The following SUPT3H variants were observed in gnomAD, a reference collection of about 807,000 sequenced individuals.
SUPT3H encodes the protein transcription initiation protein SPT3 homolog.
A neutral mutation model predicts 44.3 loss-of-function variants in SUPT3H; 44 were observed. The observed-to-expected ratio is 0.99, with a 90% CI of 0.78 to 1.28. The LOEUF (loss-of-function observed/expected upper bound fraction) is 1.28. SUPT3H is among the 50% of genes most tolerant of loss of function. The probability of loss-of-function intolerance (pLI) is 0.00; values close to 1 mark genes in which losing one functional copy is unlikely to be tolerated. For synonymous variants in SUPT3H, 124 were observed against 125.6 expected, an observed-to-expected ratio of 0.99 and a Z score of 0.09; for missense variants, 380 against 387.1, an observed-to-expected ratio of 0.98 and a Z score of 0.15.
intron 10 of SUPT3H, among the ~76,000 whole-genome samples, chr6:44,902,828 G>A (rs764316777): frequency 6.6e-5 from 10 of 152,086 alleles, no homozygotes; most frequent in African/African-American, 9.7e-5. Flanking sequence ...ATAACAAACT[G>A]TCTCTCAGAC....
intron 2 of SUPT3H, among the ~76,000 whole-genome samples, chr6:45,334,247 A>AT (rs1255086558): frequency 6.6e-6 from 1 of 151,198 alleles, no homozygotes; most frequent in East Asian, 1.9e-4. Context: ...AGTTACATCG[A>AT]TTTTTTACAT....
At chr6:45,037,929 T>TA (rs1168686527) in intron 3 of SUPT3H, among the ~76,000 whole-genome samples, 3 of 152,118 alleles carry the variant, frequency 2.0e-5, no homozygotes, top group African/African-American at 4.8e-5. Context: ...TTTACACTAA[T>TA]ACAGTTATAC....
intron 10 of SUPT3H, among the ~76,000 whole-genome samples, chr6:44,885,045 C>G (rs187807845): frequency 6.6e-6 from 1 of 152,128 alleles, no homozygotes; most frequent in East Asian, 1.9e-4. Context: ...AACTGCAAGG[C>G]GGCAGTGAGG....
At chr6:45,002,391 T>C (rs1342395132) in intron 6 of SUPT3H, among the ~76,000 whole-genome samples, 1 of 152,060 alleles carries the variant, frequency 6.6e-6, no homozygotes, top group Non-Finnish European at 1.5e-5. Context: ...AATTGAAAAG[T>C]TACCTGTTCA....
intron 2 of SUPT3H, among the ~76,000 whole-genome samples, chr6:45,175,809 A>T (rs967938023): frequency 1.3e-5 from 2 of 152,224 alleles, no homozygotes; most frequent in Admixed American, 6.5e-5. Context: ...AAATAAGCTT[A>T]TACTGAGAAA....
At chr6:45,318,662 T>C (rs191712737) in intron 2 of SUPT3H, among the ~76,000 whole-genome samples, 351 of 146,484 alleles carry the variant, frequency 2.4e-3, no homozygotes, top group Non-Finnish European at 4.3e-3. Context: ...AATAACTAAA[T>C]AGCAATGCTA....
chr6:45,280,222 C>A (rs971841324), intron 2 of SUPT3H, among the ~76,000 whole-genome samples: 9 of 152,054 alleles, frequency 5.9e-5, no homozygotes, highest in Non-Finnish European at 1.3e-4. Flanking sequence ...TAGGTATAGG[C>A]CAGGTGTCGT....
intron 5 of SUPT3H, among the ~76,000 whole-genome samples, chr6:45,009,660 T>C (rs1783196903): frequency 1.3e-5 from 2 of 152,194 alleles, no homozygotes; most frequent in Non-Finnish European, 2.9e-5. Context: ...TTCCATTTCA[T>C]TGACAAATAT....
At chr6:45,288,610 T>TAC (rs1307999279) in intron 2 of SUPT3H, among the ~76,000 whole-genome samples, 1 of 33,158 alleles carries the variant, frequency 3.0e-5, no homozygotes, top group Non-Finnish European at 7.2e-5. Context: ...TATATATATA[T>TAC]ATGTATATAT....
At chr6:45,287,818 T>C (rs1453747829) in intron 2 of SUPT3H, among the ~76,000 whole-genome samples, 1 of 152,168 alleles carries the variant, frequency 6.6e-6, no homozygotes, top group Non-Finnish European at 1.5e-5. Flanking sequence ...TTCAATAGTT[T>C]CCAAAAATAA....
At chr6:44,938,108 T>TA (rs1404415568) in intron 9 of SUPT3H, among the ~76,000 whole-genome samples, 1 of 151,764 alleles carries the variant, frequency 6.6e-6, no homozygotes, top group Non-Finnish European at 1.5e-5. Flanking sequence ...TTTTTTTTTT[T>TA]ACCTGTGCTT....
chr6:44,932,809 A>G (rs750051334), intron 9 of SUPT3H, 46 bp from the exon 10 acceptor site: 3 of 1,302,704 alleles, frequency 2.3e-6, no homozygotes, highest in Non-Finnish European at 3.2e-6. Context: ...AAAAACACGC[A>G]ACAGAACTAC....
chr6:44,978,222 G>C (rs1778608802), intron 6 of SUPT3H, among the ~76,000 whole-genome samples: 1 of 152,136 alleles, frequency 6.6e-6, no homozygotes, highest in East Asian at 1.9e-4. Context: ...GTCAATGACA[G>C]CTACCATTTC....
intron 2 of SUPT3H, among the ~76,000 whole-genome samples, chr6:45,225,339 T>C (rs17288257): frequency 0.23 from 34,328 of 151,348 alleles, 4,580 homozygotes; most frequent in Non-Finnish European, 0.31. Context: ...AGGATTTTTA[T>C]GTTCTTCACT....
At chr6:45,166,484 C>T (rs9472445) in intron 2 of SUPT3H, among the ~76,000 whole-genome samples, 1 of 149,598 alleles carries the variant, frequency 6.7e-6, no homozygotes, top group Non-Finnish European at 1.5e-5. Context: ...ACTCGGGAGG[C>T]TGAGGCAGGA....
chr6:44,938,980 G>A (rs12214435), intron 9 of SUPT3H, among the ~76,000 whole-genome samples: 31,182 of 151,940 alleles, frequency 0.21, 3,906 homozygotes, highest in Non-Finnish European at 0.29. Flanking sequence ...GAATCTTTAG[G>A]TTTTTCTAGA....
chr6:45,319,803 T>C (rs909696090), intron 2 of SUPT3H, among the ~76,000 whole-genome samples: 1 of 152,176 alleles, frequency 6.6e-6, no homozygotes, highest in Non-Finnish European at 1.5e-5. Context: ...GGGAAAATAG[T>C]TGATCATAGT....
intron 3 of SUPT3H, among the ~76,000 whole-genome samples, chr6:45,041,159 G>A (rs113508408): frequency 4.7e-4 from 71 of 151,982 alleles, no homozygotes; most frequent in African/African-American, 1.4e-3. Context: ...CTTCCATTAC[G>A]TTAGGGAATA....
chr6:44,923,763 G>A (rs1769092913), intron 10 of SUPT3H, among the ~76,000 whole-genome samples: 1 of 151,892 alleles, frequency 6.6e-6, no homozygotes, highest in Non-Finnish European at 1.5e-5. Flanking sequence ...AGATATTGCT[G>A]CAGAGAGTTT....
Sources: gnomAD v4.1 joint callset for allele counts (sites outside exome capture counted in the v4.1 genomes callset) on GRCh38, gnomAD v4.1.1 for gene constraint, MANE v1.5 for transcripts, NCBI Gene and HGNC (gene_info 2026-07-23, HGNC 2026-07-21) for gene names.